Variants in KCNIP1 observed in about 807,000 individuals in gnomAD.
KCNIP1 encodes the protein potassium voltage-gated channel interacting protein 1.
Under a neutral mutation model 33.0 loss-of-function variants are expected in KCNIP1, and 18 were observed. That is an observed-to-expected ratio of 0.55 (90% confidence interval 0.38 to 0.81). The LOEUF (loss-of-function observed/expected upper bound fraction) is 0.81, where lower values mean the gene tolerates loss of function less well. KCNIP1 is among the 30% of genes least tolerant of loss of function. The probability of loss-of-function intolerance (pLI) is 0.00; values close to 1 mark genes in which losing one functional copy is unlikely to be tolerated. For missense variants in KCNIP1, 238 were observed against 271.6 expected (o/e 0.88, Z 0.87); for synonymous variants, 93 against 98.3 (o/e 0.95, Z 0.32).
intron 1 of KCNIP1, among the ~76,000 whole-genome samples, chr5:170,606,075 A>T (rs1262932300): frequency 2.6e-5 from 4 of 152,128 alleles, no homozygotes; most frequent in Admixed American, 1.3e-4. Flanking sequence ...ACGCCTGGCC[A>T]CTTCATCCCT....
intron 5 of KCNIP1, among the ~76,000 whole-genome samples, chr5:170,723,901 C>T (rs1173211609): frequency 6.6e-6 from 1 of 152,164 alleles, no homozygotes; most frequent in East Asian, 1.9e-4. Context: ...CAAGATAGAG[C>T]TTCATGTGTT....
intron 1 of KCNIP1, among the ~76,000 whole-genome samples, chr5:170,514,987 A>G (rs1181308305): frequency 3.3e-5 from 5 of 152,280 alleles, no homozygotes; most frequent in Admixed American, 1.3e-4. Flanking sequence ...TTCCCATGTA[A>G]CAGATGAAAT....
chr5:170,371,379 T>C (rs1370358159), intron 1 of KCNIP1, among the ~76,000 whole-genome samples: 7 of 152,198 alleles, frequency 4.6e-5, no homozygotes, highest in Non-Finnish European at 7.4e-5. Context: ...GAGCCTGGGC[T>C]CTGTGATGGA....
At chr5:170,568,876 T>C (rs1018181263) in intron 1 of KCNIP1, among the ~76,000 whole-genome samples, 6 of 152,236 alleles carry the variant, frequency 3.9e-5, no homozygotes, top group Middle Eastern at 3.4e-3. Context: ...GCTGAAATTC[T>C]GGTTCTGGCC....
chr5:170,533,746 C>T (rs1755866595), intron 1 of KCNIP1, among the ~76,000 whole-genome samples: 1 of 152,206 alleles, frequency 6.6e-6, no homozygotes, highest in African/African-American at 2.4e-5. Flanking sequence ...GATGCTCACA[C>T]TTTGAATCTC....
At chr5:170,653,221 G>C (rs1400841318) in intron 1 of KCNIP1, among the ~76,000 whole-genome samples, 3 of 152,144 alleles carry the variant, frequency 2.0e-5, no homozygotes, top group Non-Finnish European at 4.4e-5. Context: ...GCTGGATTTG[G>C]GATTTTGCAT....
chr5:170,553,571 C>T (rs1055660000), intron 1 of KCNIP1, among the ~76,000 whole-genome samples: 11 of 152,324 alleles, frequency 7.2e-5, no homozygotes, highest in African/African-American at 1.4e-4. Flanking sequence ...CTCTCCTCAG[C>T]GGGCTGGAGC....
chr5:170,620,779 C>T (rs113869414), intron 1 of KCNIP1, among the ~76,000 whole-genome samples: 30 of 152,268 alleles, frequency 2.0e-4, no homozygotes, highest in African/African-American at 6.5e-4. Flanking sequence ...TTTTGTGAGC[C>T]GATTTAGGAG....
intron 1 of KCNIP1, among the ~76,000 whole-genome samples, chr5:170,673,220 C>G (rs546880212): frequency 1.3e-5 from 2 of 152,372 alleles, no homozygotes; most frequent in South Asian, 2.1e-4. Flanking sequence ...GAGTCCTCCC[C>G]TCTTGGGTAA....
intron 1 of KCNIP1, among the ~76,000 whole-genome samples, chr5:170,698,892 A>C (rs1479027303): frequency 6.6e-6 from 1 of 152,178 alleles, no homozygotes; most frequent in Non-Finnish European, 1.5e-5. Context: ...AAATTGATAA[A>C]CACGACATGT....
At chr5:170,382,997 GGA>G (rs146048020) in intron 1 of KCNIP1, 46,107 of 149,544 alleles carry the variant, frequency 0.31, 7,161 homozygotes, top group South Asian at 0.36. Context: ...AGGAGGGAGG[GGA>G]AAAAAAAGAA....
chr5:170,488,231 G>A (rs960739979), intron 1 of KCNIP1, among the ~76,000 whole-genome samples: 1 of 152,200 alleles, frequency 6.6e-6, no homozygotes, highest in Non-Finnish European at 1.5e-5. Flanking sequence ...ATGTGCTTGT[G>A]TTTCCGGGAA....
At chr5:170,503,751 CACACACACACACAT>C (rs1327226868), upstream of KCNIP1, among the ~76,000 whole-genome samples, 12 of 150,934 alleles carry the variant, frequency 8.0e-5, no homozygotes, top group East Asian at 3.9e-4. Context: ...CACACACACA[CACACACACACACAT>C]ACACACACAC....
intron 1 of KCNIP1, among the ~76,000 whole-genome samples, chr5:170,687,622 C>G (rs1762582825): frequency 6.6e-6 from 1 of 152,208 alleles, no homozygotes. Context: ...TCAGTATTCA[C>G]TCTGAGCCAT....
chr5:170,712,656 A>C (rs1329510551), intron 1 of KCNIP1, among the ~76,000 whole-genome samples: 2 of 152,234 alleles, frequency 1.3e-5, no homozygotes, highest in African/African-American at 4.8e-5. Flanking sequence ...ACTGGGAGGC[A>C]ACCCACTGCT....
At chr5:170,481,488 C>T (rs60868394) in intron 1 of KCNIP1, among the ~76,000 whole-genome samples, 1,881 of 152,198 alleles carry the variant, frequency 0.012, 36 homozygotes, top group African/African-American at 0.042. Flanking sequence ...CCCAGTTTAG[C>T]GTGAGCATTG....
intron 1 of KCNIP1, among the ~76,000 whole-genome samples, chr5:170,682,319 T>G (rs1229432343): frequency 1.3e-5 from 2 of 152,208 alleles, no homozygotes; most frequent in Admixed American, 6.5e-5. Context: ...TCTAGAGTGA[T>G]CCAAAGGTTT....
At chr5:170,498,214 C>G (rs1465299684) in intron 1 of KCNIP1, among the ~76,000 whole-genome samples, 2 of 152,208 alleles carry the variant, frequency 1.3e-5, no homozygotes, top group African/African-American at 4.8e-5. Flanking sequence ...TGTGTTCCAG[C>G]CAGGGAGACC....
At chr5:170,568,648 T>TAAAAAAAAAAAAAAAAAAAAAAAAA (rs33992187) in intron 1 of KCNIP1, among the ~76,000 whole-genome samples, 6 of 43,728 alleles carry the variant, frequency 1.4e-4, no homozygotes, top group African/African-American at 3.2e-4. Context: ...CCGTTTCTAC[T>TAAAAAAAAAAAAAAAAAAAAAAAAA]AAAAAAAAAA....
Sources: allele counts gnomAD v4.1 joint callset (sites outside exome capture counted in the v4.1 genomes callset), GRCh38; gene constraint gnomAD v4.1.1; transcripts MANE v1.5; gene names NCBI Gene and HGNC (gene_info 2026-07-23, HGNC 2026-07-21).